PCDHA5: variants seen among roughly 807,000 people sequenced by gnomAD.
PCDHA5 encodes protocadherin alpha-5.
PCDHA5 carries 43 observed loss-of-function variants against 61.6 expected under a neutral mutation model. The observed-to-expected ratio is 0.70, with a 90% CI of 0.55 to 0.90. The LOEUF (loss-of-function observed/expected upper bound fraction) is 0.90, where lower values mean the gene tolerates loss of function less well. Ranked by LOEUF, PCDHA5 falls within the 40% of genes least tolerant of loss-of-function variation. The pLI is 0.00. For missense variants in PCDHA5, 1,298 were observed against 1,222.7 expected (o/e 1.06, Z -0.92); for synonymous variants, 627 against 543.9 (o/e 1.15, Z -2.13).
chr5:140,983,022 A>G (rs2097023004), intron 3 of PCDHA5, among the ~76,000 whole-genome samples: 1 of 152,114 alleles, frequency 6.6e-6, no homozygotes, highest in Non-Finnish European at 1.5e-5. Flanking sequence ...GGAAGGAAGG[A>G]AGATGGTTTC....
intron 1 of PCDHA5, among the ~76,000 whole-genome samples, chr5:140,900,125 G>A (rs2067765908): frequency 6.6e-6 from 1 of 152,056 alleles, no homozygotes; most frequent in South Asian, 2.1e-4. Context: ...TTGATTTTTA[G>A]GTACCACAAA....
chr5:140,869,429 T>C lies in PCDHA5; in HGVS notation c.2352+45302T>C, dbSNP rs1006497068. ...GAGTGCAGCATCCACCTGGAGGTGA[T>C]CGTGGACAGGCCGCTGCAGGTTTTC... is the stretch of plus-strand genomic sequence containing the variant. On this transcript the variant is annotated intron_variant, in intron 1 of 3. Coordinates refer to ENST00000529859, the MANE Select transcript of PCDHA5 (RefSeq NM_018908.3). The C allele has an allele frequency of 2.2e-5, 35 of 1,614,074 alleles. No homozygotes were observed. The highest frequency in any genetic ancestry group is 3.0e-5 in the Non-Finnish European group (35 of 1,180,048).
intron 3 of PCDHA5, among the ~76,000 whole-genome samples, chr5:140,993,462 TCACACACACACACA>T (rs3836747): frequency 0.028 from 4,017 of 141,026 alleles, 179 homozygotes; most frequent in African/African-American, 0.099. Context: ...TCTTTCTTTC[TCACACACACACACA>T]CACACACACA....
intron 1 of PCDHA5, among the ~76,000 whole-genome samples, chr5:140,944,191 G>A (rs181232402): frequency 6.6e-6 from 1 of 151,980 alleles, no homozygotes. Flanking sequence ...GGTTTGTTTT[G>A]TTTTGTTTTG....
intron 1 of PCDHA5, among the ~76,000 whole-genome samples, chr5:140,956,692 C>T (rs246012): frequency 0.56 from 85,656 of 151,960 alleles, 24,760 homozygotes; most frequent in African/African-American, 0.69. Context: ...CCTCCTTTTC[C>T]ATTGTTTGGA....
intron 1 of PCDHA5, chr5:140,841,882 T>C (rs2150324666): frequency 1.2e-6 from 2 of 1,613,800 alleles, no homozygotes; most frequent in East Asian, 4.5e-5. Context: ...CAAAGAACGA[T>C]GAGAATAAAC....
chr5:140,899,548 T>C (rs1452628026), intron 1 of PCDHA5, among the ~76,000 whole-genome samples: 5 of 152,214 alleles, frequency 3.3e-5, no homozygotes, highest in African/African-American at 1.2e-4. Flanking sequence ...TCATGGTGGA[T>C]AAGCTTTTTG....
chr5:140,928,570 C>A (rs2085340367), intron 1 of PCDHA5: 1 of 1,614,196 alleles, frequency 6.2e-7, no homozygotes, highest in South Asian at 1.1e-5. Flanking sequence ...GTTTCCCTTG[C>A]CCAGAAATGG....
intron 1 of PCDHA5, chr5:140,824,634 T>TTTTTTTTTTTTTTTTG: frequency 8.7e-6 from 1 of 115,218 alleles, no homozygotes; most frequent in African/African-American, 4.3e-5. Context: ...TTTTTTTTTA[T>TTTTTTTTTTTTTTTTG]TTTCTGTAGA....
chr5:140,829,682 CT>C, intron 1 of PCDHA5: 1 of 1,613,258 alleles, frequency 6.2e-7, no homozygotes, highest in South Asian at 1.1e-5. Flanking sequence ...GCTAGAGCTG[CT>C]GCAGTTTCAG....
chr5:140,828,995 A>G lies in PCDHA5; in HGVS notation c.2352+4868A>G, dbSNP rs2150161730. ...TAGCATAGATCGAAATACGGGAGAA[A>G]TAGTGATTCGGGGTAATTTGGATTT... is the stretch of plus-strand genomic sequence containing the variant. On this transcript the variant is annotated intron_variant, in intron 1 of 3. Coordinates refer to ENST00000529859, the MANE Select transcript of PCDHA5 (RefSeq NM_018908.3). The G allele has an allele frequency of 1.2e-6, 2 of 1,614,068 alleles. No individual in the cohort carries two copies. The highest frequency in any genetic ancestry group is 1.7e-6 in the Non-Finnish European group (2 of 1,179,918).
intron 1 of PCDHA5, chr5:140,858,692 C>A: frequency 1.7e-6 from 1 of 580,634 alleles, no homozygotes; most frequent in Non-Finnish European, 2.9e-6. Flanking sequence ...TAATATTTTC[C>A]AATACAAATA....
chr5:140,982,559 A>G lies in PCDHA5; in HGVS notation c.2496A>G (p.Thr832=). 1 of 1,614,170 alleles carries G rather than the reference A, an allele frequency of 6.2e-7. No homozygotes were observed. The highest frequency in any genetic ancestry group is 8.5e-7 in the Non-Finnish European group (1 of 1,180,012). Residue 832 remains threonine, a synonymous_variant, in exon 3 of 4, where the codon ACA becomes ACG. Coordinates refer to ENST00000529859, the MANE Select transcript of PCDHA5 (RefSeq NM_018908.3). The part of the protein sequence containing the change: ...DQQWPTVSSA[T]PEPEAGEVSP... ...AGTGGCCAACAGTATCCAGTGCAAC[A>G]CCAGGTAAAGAGCTGGGGTCTCTCC... is the stretch of plus-strand genomic sequence containing the variant.
At chr5:140,883,570 G>T (rs1554178743) in intron 1 of PCDHA5, 1 of 1,614,098 alleles carries the variant, frequency 6.2e-7, no homozygotes, top group South Asian at 1.1e-5. Context: ...GCTCGCCTTC[G>T]CTGTGGGCCA....
chr5:141,009,771 T>C lies in PCDHA5; in HGVS notation c.2645T>C (p.Ile882Thr), dbSNP rs142720081. 3.1e-5 allele frequency: 50 copies of C among 1,613,964 alleles called. No homozygotes were observed. The highest frequency in any genetic ancestry group is 1.6e-4 in the Middle Eastern group (1 of 6,084). Residue 882 changes from isoleucine (I) to threonine (T), a missense_variant, in exon 4 of 4, where the codon ATC (isoleucine) becomes ACC (threonine). Transcript: ENST00000529859. ...DKFIIPGSPA[I>T]ISIRQEPTNS... ...TTCATTATCCCAGGATCTCCTGCAA[T>C]CATCTCCATCCGGCAGGAGCCTACT...
chr5:140,870,657 G>A (rs782619046), intron 1 of PCDHA5: 1 of 1,612,514 alleles, frequency 6.2e-7, no homozygotes, highest in East Asian at 2.2e-5. Context: ...AGGTGTACGC[G>A]CTGCAGCCGT....
intron 1 of PCDHA5, chr5:140,851,545 G>T (rs912054365): frequency 2.4e-5 from 22 of 908,160 alleles, no homozygotes; most frequent in Non-Finnish European, 2.7e-5. Flanking sequence ...GATAATTCAA[G>T]AAATGTTGAC....
At chr5:140,978,422 T>C (rs1554239303) in intron 1 of PCDHA5, among the ~76,000 whole-genome samples, 2 of 152,218 alleles carry the variant, frequency 1.3e-5, no homozygotes, top group Non-Finnish European at 2.9e-5. Flanking sequence ...AAGAGACTGT[T>C]ATCAGTTGCT....
chr5:140,851,571 A>C (rs1036529099), intron 1 of PCDHA5: 1 of 908,760 alleles, frequency 1.1e-6, no homozygotes, highest in Admixed American at 6.3e-5. Context: ...TTTTGTCTAC[A>C]CTTAGAACAT....
Sources: gnomAD v4.1 joint callset for allele counts (sites outside exome capture counted in the v4.1 genomes callset) on GRCh38, gnomAD v4.1.1 for gene constraint, MANE v1.5 for transcripts, NCBI Gene and HGNC (gene_info 2026-07-23, HGNC 2026-07-21) for gene names.